KCNJ1: variants seen among roughly 807,000 people sequenced by gnomAD.
The protein encoded by KCNJ1 is ATP-sensitive inward rectifier potassium channel 1.
Under a neutral mutation model 21.9 loss-of-function variants are expected in KCNJ1, and 24 were observed. The ratio of observed to expected loss-of-function variants is 1.10; its 90% CI spans 0.79 to 1.54. The LOEUF (loss-of-function observed/expected upper bound fraction) is 1.54. KCNJ1 is among the 40% of genes most tolerant of loss of function. The pLI is 0.00. For synonymous variants in KCNJ1, 152 were observed against 160.9 expected, an observed-to-expected ratio of 0.94 and a Z score of 0.42; for missense variants, 457 against 455.4, an observed-to-expected ratio of 1.00 and a Z score of -0.03.
intron 2 of KCNJ1, among the ~76,000 whole-genome samples, chr11:128,844,305 C>T (rs187703229): frequency 6.6e-6 from 1 of 152,190 alleles, no homozygotes; most frequent in African/African-American, 2.4e-5. Flanking sequence ...CATAGAAAGC[C>T]TCAGTGAGAC....
rs748754469 is a variant in KCNJ1 at position 128,838,939 on chromosome 11, A to G, written c.*186T>C. ...TCATATAAATGCATTGCACGTTCTA[A>G]TACAGTAGCCTTGTGGAGATGCATG... On this transcript the variant is annotated 3_prime_UTR_variant, in exon 3 of 3. Transcript: ENST00000392666. 1.3e-5 allele frequency: 8 copies of G among 621,264 alleles called. No individual in the cohort carries two copies. Among genetic ancestry groups the G allele is most frequent in the Non-Finnish European group, 2.0e-5 (7 of 351,996 alleles). The allele number at this position is 621,264 out of a possible 1,614,324, so 38.5% of individuals were successfully genotyped here. A position where few individuals can be genotyped will look rare whatever the true frequency, so the allele number is the denominator to read the frequency against.
rs779487505 is a variant in KCNJ1, at chr11:128,839,306, G to A, written c.938C>T (p.Thr313Ile). Residue 313 changes from threonine (T) to isoleucine (I), a missense_variant, in exon 3 of 3, where the codon ACA (threonine) becomes ATA (isoleucine). Thr to Ile is a moderately conservative substitution (Grantham distance 89). Coordinates refer to ENST00000392666, the MANE Select transcript of KCNJ1 (RefSeq NM_153766.3). Reference protein sequence around the residue: ...GYRFAPIVSKTKEGKYRVDFH... With the variant: ...GYRFAPIVSKIKEGKYRVDFH... ...ATCCACTCGGTATTTCCCTTCCTTT[G>A]TCTTGGATACTATGGGAGCAAAACG... 3 of 1,613,986 alleles carry A rather than the reference G, an allele frequency of 1.9e-6. No individual in the cohort carries two copies. Among genetic ancestry groups the A allele is most frequent in the Admixed American group, 1.7e-5 (1 of 59,988 alleles).
At chr11:128,856,583 T>C (rs2135955921) in intron 1 of KCNJ1, among the ~76,000 whole-genome samples, 1 of 152,338 alleles carries the variant, frequency 6.6e-6, no homozygotes, top group South Asian at 2.1e-4. Context: ...TAAAAAAATG[T>C]CCTAGCACCA....
intron 1 of KCNJ1, 118 bp from the exon 2 acceptor site, chr11:128,851,008 A>C (rs1186777138): frequency 2.8e-6 from 1 of 357,962 alleles, no homozygotes; most frequent in African/African-American, 2.2e-5. Flanking sequence ...CCACATCAGC[A>C]AAGGTAGAAA....
chr11:128,866,566 G>T, intron 1 of KCNJ1: 1 of 969,596 alleles, frequency 1.0e-6, no homozygotes, highest in Non-Finnish European at 1.2e-6. Context: ...CTGGTATAGA[G>T]CAATTGTCAC....
rs747594575 is a variant in KCNJ1, at chr11:128,839,584, TC to T, written c.659del (p.Gly220GlufsTer14). On this transcript the variant is annotated frameshift_variant, in exon 3 of 3. Transcript: ENST00000392666. LOFTEE classifies it high-confidence loss of function. ...KLLKTTVTPE[G>X]ETIILDQINI... ...TGATCTGGTCCAAAATAATGGTCTCTCCTTCAGGAGTGACTGTGGTCTTCAG... is the reference window on the plus strand; with the variant it reads ...TGATCTGGTCCAAAATAATGGTCTCTCTTCAGGAGTGACTGTGGTCTTCAG... 2.5e-6 allele frequency: 4 copies of T among 1,614,108 alleles called. No homozygotes were observed. In the South Asian group the frequency reaches 4.4e-5, roughly 18 times the overall value.
At chr11:128,841,623 A>G (rs1943283006) in intron 2 of KCNJ1, among the ~76,000 whole-genome samples, 1 of 152,206 alleles carries the variant, frequency 6.6e-6, no homozygotes, top group Non-Finnish European at 1.5e-5. Flanking sequence ...ATCCCCCTTG[A>G]AAAATGTGTT....
intron 1 of KCNJ1, among the ~76,000 whole-genome samples, chr11:128,855,508 A>G (rs1187791298): frequency 2.0e-5 from 3 of 152,230 alleles, no homozygotes; most frequent in Non-Finnish European, 4.4e-5. Context: ...TATTGCAAAG[A>G]GGCAGCAAAT....
chr11:128,851,855 A>C (rs1220122097), intron 1 of KCNJ1, among the ~76,000 whole-genome samples: 1 of 152,226 alleles, frequency 6.6e-6, no homozygotes, highest in Non-Finnish European at 1.5e-5. Flanking sequence ...ATTATGTTGC[A>C]TGAGGCAAAG....
At chr11:128,858,090 G>A (rs981650780) in intron 1 of KCNJ1, among the ~76,000 whole-genome samples, 5 of 149,950 alleles carry the variant, frequency 3.3e-5, no homozygotes, top group Non-Finnish European at 7.4e-5. Context: ...GAAGCTCCAC[G>A]ATGGCGAGAG....
At chr11:128,842,353 G>A (rs918300678) in intron 2 of KCNJ1, 1 of 1,613,094 alleles carries the variant, frequency 6.2e-7, no homozygotes, top group South Asian at 1.1e-5. Context: ...TGGCTTTCCA[G>A]AGAGGTGATT....
intron 2 of KCNJ1, among the ~76,000 whole-genome samples, chr11:128,850,456 G>T: frequency 6.6e-6 from 1 of 152,188 alleles, no homozygotes; most frequent in East Asian, 1.9e-4. Context: ...GGCTCAACAG[G>T]TATCTGTCAA....
intron 1 of KCNJ1, among the ~76,000 whole-genome samples, chr11:128,859,645 G>A (rs1456867760): frequency 2.6e-5 from 4 of 152,176 alleles, no homozygotes; most frequent in Non-Finnish European, 5.9e-5. Flanking sequence ...GGAGGGAAAA[G>A]GAAGGAAGGT....
chr11:128,843,006 G>A (rs1943314886), intron 2 of KCNJ1, among the ~76,000 whole-genome samples: 1 of 152,212 alleles, frequency 6.6e-6, no homozygotes, highest in Non-Finnish European at 1.5e-5. Flanking sequence ...AGACTTAAAA[G>A]AAGTCTTTAT....
Position 128,857,421 on chromosome 11 carries a change from G to A in KCNJ1, c.-191-6531C>T, listed in dbSNP as rs566732747. On this transcript the variant is annotated intron_variant, in intron 1 of 2. Transcript: ENST00000392666. ...AACACACCCTCCAGGACAGCAGCCC[G>A]TCTTGCCTTCCTCTGAATACCCAGC... Among the ~76,000 whole-genome samples the A allele has an allele frequency of 3.3e-5, 5 of 152,252 alleles. No homozygotes were observed. In the East Asian group the frequency reaches 7.7e-4, roughly 24 times the overall value.
intron 1 of KCNJ1, among the ~76,000 whole-genome samples, chr11:128,861,186 A>T (rs534614235): frequency 3.9e-5 from 6 of 152,306 alleles, no homozygotes; most frequent in Non-Finnish European, 8.8e-5. Context: ...GGGGCTCCCT[A>T]ACCCACATGG....
At chr11:128,845,561 A>G (rs1943364260) in intron 2 of KCNJ1, among the ~76,000 whole-genome samples, 1 of 152,228 alleles carries the variant, frequency 6.6e-6, no homozygotes, top group African/African-American at 2.4e-5. Flanking sequence ...TACACTTATC[A>G]CATCCAGAAC....
intron 1 of KCNJ1, among the ~76,000 whole-genome samples, chr11:128,852,870 T>C (rs1943501636): frequency 6.6e-6 from 1 of 152,240 alleles, no homozygotes; most frequent in Non-Finnish European, 1.5e-5. Context: ...CTTAGAGCCA[T>C]GCCAAGGCAG....
At chr11:128,843,074 T>C (rs1263922398) in intron 2 of KCNJ1, among the ~76,000 whole-genome samples, 1 of 152,262 alleles carries the variant, frequency 6.6e-6, no homozygotes, top group Non-Finnish European at 1.5e-5. Context: ...GTTTTTTACA[T>C]GCACTGGGTT....
Sources: allele counts gnomAD v4.1 joint callset (sites outside exome capture counted in the v4.1 genomes callset), GRCh38; gene constraint gnomAD v4.1.1; transcripts MANE v1.5; gene names NCBI Gene and HGNC (gene_info 2026-07-23, HGNC 2026-07-21).